MAP2: variants seen among roughly 807,000 people sequenced by gnomAD.
The protein encoded by MAP2 is microtubule associated protein 2.
A neutral mutation model predicts 137.6 loss-of-function variants in MAP2; 14 were observed. The ratio of observed to expected loss-of-function variants is 0.10; its 90% confidence interval spans 0.07 to 0.16. MAP2 has a LOEUF of 0.16. Among genes scored for constraint, MAP2 ranks in the 10% least tolerant of loss-of-function variants. MAP2 has a pLI of 1.00. For synonymous variants in MAP2, 786 were observed against 782.3 expected, an observed-to-expected ratio of 1.00 and a Z score of -0.08; for missense variants, 2,088 against 2,191.5, an observed-to-expected ratio of 0.95 and a Z score of 0.94.
chr2:209,710,013 C>T lies in MAP2; in HGVS notation c.4832C>T (p.Ser1611Leu). ...ITPGTPPSYS[S>L]RTPGTPGTPS... The stretch of plus-strand genomic sequence containing the variant: ...CCTGGCACCCCACCAAGTTATTCTT[C>T]ACGCACACCAGGCACTCCTGGAACC... The change falls in exon 13 of 16, where the codon TCA becomes TTA. Residue 1611 changes from serine (S) to leucine (L), a missense_variant. This residue lies in a region of MAP2 where 591 missense variants were observed against 642.6 expected (regional missense o/e 0.92). Transcript: ENST00000682079. 2 of 1,614,062 alleles carry T rather than the reference C, an allele frequency of 1.2e-6. No homozygotes were observed.
chr2:209,500,749 A>C (rs2060275205), intron 1 of MAP2, among the ~76,000 whole-genome samples: 1 of 152,090 alleles, frequency 6.6e-6, no homozygotes, highest in African/African-American at 2.4e-5. Context: ...ACAACAACAA[A>C]AAAACCCTAC....
At chr2:209,619,795 C>A (rs1196533230) in intron 3 of MAP2, among the ~76,000 whole-genome samples, 7 of 152,078 alleles carry the variant, frequency 4.6e-5, no homozygotes, top group South Asian at 2.1e-4. Flanking sequence ...GCCCATCATA[C>A]CCATTCATCC....
Position 209,694,051 on chromosome 2 carries a change from G to A in MAP2, c.1881G>A (p.Gln627=), listed in dbSNP as rs148468330. The change falls in exon 8 of 16, where the codon CAG becomes CAA. Residue 627 remains glutamine (Q), a synonymous_variant. Transcript: ENST00000682079. ...AGTTTCAAACAGGAAAAGAATCCCA[G>A]CCCAGTCCTCCAGCACAAGAAGCAG... ...DKEFQTGKES[Q]PSPPAQEAGY... The A allele has an allele frequency of 1.2e-6, 2 of 1,613,448 alleles. No homozygotes were observed. Among genetic ancestry groups the A allele is most frequent in the Non-Finnish European group, 1.7e-6 (2 of 1,179,806 alleles).
intron 2 of MAP2, among the ~76,000 whole-genome samples, chr2:209,572,285 A>G (rs1221268502): frequency 6.6e-6 from 1 of 152,106 alleles, no homozygotes; most frequent in Non-Finnish European, 1.5e-5. Context: ...TTAATATCAC[A>G]GTGACTATGT....
intron 2 of MAP2, among the ~76,000 whole-genome samples, chr2:209,509,503 A>G (rs189950954): frequency 1.3e-5 from 2 of 151,980 alleles, no homozygotes; most frequent in Non-Finnish European, 2.9e-5. Flanking sequence ...TTTCCCTTCT[A>G]TCTGGAAATG....
At chr2:209,655,754 A>G (rs2095100499) in intron 5 of MAP2, among the ~76,000 whole-genome samples, 1 of 152,214 alleles carries the variant, frequency 6.6e-6, no homozygotes, top group South Asian at 2.1e-4. Flanking sequence ...ACTCTTTTAT[A>G]CAATCTACCA....
At chr2:209,635,820 G>A (rs939509832) in intron 4 of MAP2, among the ~76,000 whole-genome samples, 44 of 152,146 alleles carry the variant, frequency 2.9e-4, no homozygotes, top group African/African-American at 9.4e-4. Flanking sequence ...GAGAGTAGGC[G>A]GCCATTTAAT....
chr2:209,677,204 T>A (rs748888726), intron 5 of MAP2, among the ~76,000 whole-genome samples: 3 of 151,946 alleles, frequency 2.0e-5, no homozygotes, highest in Non-Finnish European at 2.9e-5. Context: ...ATGTTATTTA[T>A]TTAACTGCTG....
At chr2:209,623,424 G>A (rs1382806263) in intron 3 of MAP2, among the ~76,000 whole-genome samples, 3 of 152,160 alleles carry the variant, frequency 2.0e-5, no homozygotes, top group East Asian at 3.9e-4. Flanking sequence ...TTATCCATAT[G>A]CATATGTGCT....
intron 1 of MAP2, among the ~76,000 whole-genome samples, chr2:209,498,981 T>G (rs186940295): frequency 1.3e-3 from 200 of 152,322 alleles, no homozygotes; most frequent in African/African-American, 4.6e-3. Context: ...AAGTGGTTGT[T>G]CCACAGCCTG....
intron 2 of MAP2, among the ~76,000 whole-genome samples, chr2:209,578,819 T>C (rs1172119338): frequency 6.6e-6 from 1 of 152,160 alleles, no homozygotes; most frequent in Non-Finnish European, 1.5e-5. Flanking sequence ...GCCTGGGCCC[T>C]CAGGGACTGA....
Position 209,725,796 on chromosome 2 carries a change from T to C in MAP2, c.5155+6T>C. ...GAACATCCGCCACAGGCCAGGTAAATAAATAATTTTTAGTAGTTTGAGAAA... is the reference window on the plus strand; with the variant it reads ...GAACATCCGCCACAGGCCAGGTAAACAAATAATTTTTAGTAGTTTGAGAAA... On this transcript the variant is annotated splice_donor_region_variant and intron_variant, in intron 14 of 15. Transcript: ENST00000682079. 6.4e-7 allele frequency: 1 copy of C among 1,568,392 alleles called. No individual in the cohort carries two copies. Among genetic ancestry groups the C allele is most frequent in the Non-Finnish European group, 8.6e-7 (1 of 1,157,252 alleles).
chr2:209,501,131 G>T (rs762718394), intron 1 of MAP2, among the ~76,000 whole-genome samples: 5 of 151,110 alleles, frequency 3.3e-5, no homozygotes, highest in Non-Finnish European at 5.9e-5. Flanking sequence ...AAATATAACT[G>T]CAGTATTCCC....
At chr2:209,700,368 C>A in intron 11 of MAP2, 30 bp downstream of exon 11, 1 of 1,539,022 alleles carries the variant, frequency 6.5e-7, no homozygotes, top group Non-Finnish European at 9.0e-7. Flanking sequence ...CCTTGTTCTT[C>A]ATTTGAAGTT....
intron 3 of MAP2, among the ~76,000 whole-genome samples, chr2:209,585,392 T>C (rs575836892): frequency 1.3e-5 from 2 of 152,264 alleles, no homozygotes; most frequent in African/African-American, 4.8e-5. Flanking sequence ...ATAATTATTT[T>C]GTTATAAAAA....
intron 2 of MAP2, among the ~76,000 whole-genome samples, chr2:209,558,256 T>G (rs1400265803): frequency 6.6e-6 from 1 of 152,192 alleles, no homozygotes; most frequent in Non-Finnish European, 1.5e-5. Context: ...TGGCGTGATC[T>G]TGGCTCACTG....
intron 4 of MAP2, among the ~76,000 whole-genome samples, chr2:209,643,595 C>A (rs2094193621): frequency 6.6e-6 from 1 of 152,190 alleles, no homozygotes; most frequent in African/African-American, 2.4e-5. Flanking sequence ...ACTTCTATCA[C>A]AAACCATTAA....
chr2:209,510,178 A>C (rs956110836), intron 2 of MAP2, among the ~76,000 whole-genome samples: 1 of 151,946 alleles, frequency 6.6e-6, no homozygotes, highest in African/African-American at 2.4e-5. Context: ...TATTATTAAT[A>C]CTGCTACCAG....
rs140698945 is a variant in MAP2, at chr2:209,458,938, G to C, written c.-222+34662G>C. On this transcript the variant is annotated intron_variant, in intron 1 of 15. Coordinates refer to ENST00000682079, the MANE Select transcript of MAP2 (RefSeq NM_001375505.1). ...AGCTTATAGGGCTGTTGGGGAGATC[G>C]CATGATTTATAATACATGTAAAGTG... Among the ~76,000 whole-genome samples, 23 of 152,212 alleles carry C rather than the reference G, an allele frequency of 1.5e-4. No individual in the cohort carries two copies. The East Asian group carries it at 4.5e-3, about 29-fold the overall frequency.
Sources: allele counts gnomAD v4.1 joint callset (sites outside exome capture counted in the v4.1 genomes callset), GRCh38; gene constraint gnomAD v4.1.1; regional missense constraint gnomAD v4.1.1; transcripts MANE v1.5; gene names NCBI Gene and HGNC (gene_info 2026-07-23, HGNC 2026-07-21).